C11orf65: variants seen among roughly 807,000 people sequenced by gnomAD.
C11orf65 encodes the protein protein MFI.
In C11orf65, 38 loss-of-function variants were observed where a neutral mutation model predicts 35.3. The ratio of observed to expected loss-of-function variants is 1.08; its 90% confidence interval spans 0.83 to 1.41. C11orf65 has a LOEUF of 1.41. Ranked by LOEUF, C11orf65 falls within the 40% of genes most tolerant of loss-of-function variation. C11orf65 has a pLI of 0.00. For missense variants in C11orf65, 370 were observed against 367.1 expected (o/e 1.01, Z -0.06); for synonymous variants, 105 against 114.4 (o/e 0.92, Z 0.53).
intron 1 of C11orf65, among the ~76,000 whole-genome samples, chr11:108,467,262 T>C (rs186071526): frequency 1.3e-5 from 2 of 152,096 alleles, no homozygotes; most frequent in African/African-American, 2.4e-5. Flanking sequence ...AGGAAGGGGT[T>C]ACTCCCGGGC....
chr11:108,427,450 G>GGT (rs71047696), intron 3 of C11orf65, among the ~76,000 whole-genome samples: 151,414 of 151,426 alleles, frequency 1, 75,701 homozygotes, highest in Middle Eastern at 1. Flanking sequence ...GGCCGGGCGC[G>GGT]GGCTGACGCC....
chr11:108,337,125 T>C (rs1012500635), intron 2 of C11orf65, among the ~76,000 whole-genome samples: 2 of 152,332 alleles, frequency 1.3e-5, no homozygotes, highest in Non-Finnish European at 2.9e-5. Context: ...AAAATGCTGC[T>C]TGAGTTAGGC....
Position 108,345,873 on chromosome 11 carries a change from T to A in C11orf65, c.227-10581A>T, listed in dbSNP as rs876658716. 1 of 1,613,770 alleles carries A rather than the reference T, an allele frequency of 6.2e-7. No homozygotes were observed. The highest frequency in any genetic ancestry group is 8.5e-7 in the Non-Finnish European group (1 of 1,179,846). On this transcript the variant is annotated intron_variant, in intron 2 of 3. Transcript: ENST00000524755. ...CCAGCTATTTGGTTTGAGAAGCGAT[T>A]GGCTTATACGCGCAGTGTAGCTACT... is the stretch of plus-strand genomic sequence containing the variant.
chr11:108,315,652 G>A (rs1010136437), intron 6 of C11orf65, among the ~76,000 whole-genome samples: 2 of 152,020 alleles, frequency 1.3e-5, no homozygotes, highest in African/African-American at 2.4e-5. Context: ...TCAAACTCGT[G>A]TTGTTTGAAC....
chr11:108,376,073 T>C (rs1403171413), intron 2 of C11orf65, among the ~76,000 whole-genome samples: 2 of 152,062 alleles, frequency 1.3e-5, no homozygotes, highest in African/African-American at 4.8e-5. Context: ...ATTAGACAGA[T>C]CAACGAGACA....
At chr11:108,318,904 G>A (rs972682728) in intron 6 of C11orf65, among the ~76,000 whole-genome samples, 3 of 152,068 alleles carry the variant, frequency 2.0e-5, no homozygotes, top group Admixed American at 6.6e-5. Context: ...GGCCGAGCGC[G>A]GTGGCTCATG....
At position 108,401,231 on chromosome 11, in the gene C11orf65, T is replaced by G. The variant is rs546714992; in HGVS notation, c.560+4198A>C. The stretch of plus-strand genomic sequence containing the variant: ...TCCTGGGGTGATGGCTAGACGGTGG[T>G]TTAGTAGATTGCACATAACAGAAAC... On this transcript the variant is annotated intron_variant, in intron 6 of 8. Transcript: ENST00000393084. 6.6e-5 allele frequency among the ~76,000 whole-genome samples: 10 copies of G among 151,930 alleles called. No individual in the cohort carries two copies. The East Asian group carries it at 1.7e-3, about 26-fold the overall frequency.
At chr11:108,331,314 ATAGT>A (rs1470685074), downstream of C11orf65, 5 of 1,451,798 alleles carry the variant, frequency 3.4e-6, no homozygotes, top group Admixed American at 1.3e-4. Context: ...GGAAAACAAT[ATAGT>A]TAGTGAAGTT....
Position 108,463,620 on chromosome 11 carries a change from A to G in C11orf65, c.-9-2052T>C, listed in dbSNP as rs1272652205. On this transcript the variant is annotated intron_variant, in intron 1 of 8. Coordinates refer to ENST00000393084, the MANE Select transcript of C11orf65 (RefSeq NM_152587.5). ...TGATTTTGCCGAAGTTACTTAACTC[A>G]CTCAAACTTCAAGTTACTCATCTGT... 2.6e-5 allele frequency among the ~76,000 whole-genome samples: 4 copies of G among 152,168 alleles called. No homozygotes were observed. In the East Asian group the frequency reaches 7.7e-4, roughly 29 times the overall value.
chr11:108,464,419 C>T (rs1459811829), intron 1 of C11orf65, among the ~76,000 whole-genome samples: 1 of 150,736 alleles, frequency 6.6e-6, no homozygotes, highest in Admixed American at 6.6e-5. Context: ...GCCTTAGCCT[C>T]CCCGCGATTT....
At chr11:108,445,685 A>G (rs1024745656) in intron 2 of C11orf65, among the ~76,000 whole-genome samples, 1 of 152,170 alleles carries the variant, frequency 6.6e-6, no homozygotes, top group Non-Finnish European at 1.5e-5. Flanking sequence ...AACAGAGCAG[A>G]AAAACTGGAA....
At chr11:108,396,857 AT>A in intron 6 of C11orf65, among the ~76,000 whole-genome samples, 1 of 148,494 alleles carries the variant, frequency 6.7e-6, no homozygotes, top group African/African-American at 2.5e-5. Flanking sequence ...AAATAAATAA[AT>A]AAATAAATAA....
At chr11:108,384,886 T>G (rs981789273) in intron 8 of C11orf65, among the ~76,000 whole-genome samples, 2 of 152,210 alleles carry the variant, frequency 1.3e-5, no homozygotes, top group Non-Finnish European at 2.9e-5. Flanking sequence ...ATCATTAGGC[T>G]TTGGCTATGT....
intron 6 of C11orf65, among the ~76,000 whole-genome samples, chr11:108,399,264 C>A (rs1299329037): frequency 6.6e-6 from 1 of 152,138 alleles, no homozygotes; most frequent in African/African-American, 2.4e-5. Flanking sequence ...TATTTTGTAT[C>A]CATTATGAGT....
At chr11:108,456,031 T>G (rs2135710836) in intron 2 of C11orf65, among the ~76,000 whole-genome samples, 1 of 152,006 alleles carries the variant, frequency 6.6e-6, no homozygotes, top group East Asian at 1.9e-4. Flanking sequence ...GACCCATGCC[T>G]GTAGTCCCAG....
At chr11:108,354,084 C>CACAT (rs1400091239) in intron 2 of C11orf65, among the ~76,000 whole-genome samples, 5 of 150,860 alleles carry the variant, frequency 3.3e-5, no homozygotes, top group African/African-American at 7.4e-5. Flanking sequence ...CACACACACA[C>CACAT]ACACACACAC....
Position 108,315,884 on chromosome 11 carries a change from G to T in C11orf65, c.641-6813C>A, listed in dbSNP as rs1486220915. The T allele has an allele frequency of 6.2e-7, 1 of 1,612,782 alleles. No homozygotes were observed. Among genetic ancestry groups the T allele is most frequent in the South Asian group, 1.1e-5 (1 of 91,044 alleles). ...CCAGATAGTTTGTATGGCTGTGGTG[G>T]AGGGAAGATGTTACAACCCATTACT... On this transcript the variant is annotated intron_variant, in intron 6 of 6. Coordinates refer to the C11orf65 transcript ENST00000525729.
chr11:108,351,091 T>C (rs546766748), intron 2 of C11orf65, among the ~76,000 whole-genome samples: 7 of 152,310 alleles, frequency 4.6e-5, no homozygotes, highest in African/African-American at 1.2e-4. Flanking sequence ...GAATGAATAA[T>C]AACACACAAT....
At chr11:108,355,135 C>A (rs372471808) in intron 2 of C11orf65, 9 of 477,948 alleles carry the variant, frequency 1.9e-5, no homozygotes, top group African/African-American at 1.2e-4. Context: ...TAAATCAATT[C>A]TTTGACATTT....
Sources: allele counts gnomAD v4.1 joint callset (sites outside exome capture counted in the v4.1 genomes callset), GRCh38; gene constraint gnomAD v4.1.1; transcripts MANE v1.5; gene names NCBI Gene and HGNC (gene_info 2026-07-23, HGNC 2026-07-21).